GPHN: variants seen among roughly 807,000 people sequenced by gnomAD.
GPHN encodes the protein gephyrin.
Under a neutral mutation model 95.5 loss-of-function variants are expected in GPHN, and 17 were observed. The observed-to-expected ratio is 0.18, with a 90% CI of 0.12 to 0.27. GPHN has a LOEUF of 0.27. Among genes scored for constraint, GPHN ranks in the 10% least tolerant of loss-of-function variants. The pLI is 1.00. For synonymous variants in GPHN, 320 were observed against 322.5 expected, an observed-to-expected ratio of 0.99 and a Z score of 0.08; for missense variants, 660 against 978.1, an observed-to-expected ratio of 0.67 and a Z score of 4.34.
chr14:67,436,146 T>A, the GPHN span, among the ~76,000 whole-genome samples: 1 of 152,226 alleles, frequency 6.6e-6, no homozygotes, highest in Non-Finnish European at 1.5e-5. Context: ...GCCTGGAGTC[T>A]TGGGGCTTCT....
At chr14:67,347,259 G>T in the GPHN span, 2 of 625,290 alleles carry the variant, frequency 3.2e-6, no homozygotes, top group Non-Finnish European at 5.5e-6. Flanking sequence ...TTGATTAACT[G>T]ATCAACTATT....
intron 8 of GPHN, among the ~76,000 whole-genome samples, chr14:66,926,735 A>G (rs2066503104): frequency 6.6e-6 from 1 of 152,152 alleles, no homozygotes; most frequent in African/African-American, 2.4e-5. Flanking sequence ...TGGTTATTCT[A>G]GGTCTTTTGT....
intron 5 of GPHN, among the ~76,000 whole-genome samples, chr14:66,900,040 A>G (rs951340856): frequency 4.6e-5 from 7 of 151,974 alleles, no homozygotes; most frequent in Admixed American, 2.6e-4. Flanking sequence ...TAATTTATGT[A>G]TATAGATTTG....
the GPHN span, chr14:67,678,028 T>C: frequency 1.3e-5 from 3 of 234,084 alleles, no homozygotes; most frequent in East Asian, 2.1e-4. Context: ...TCCTAGGTAG[T>C]AGTTTCTTTC....
chr14:66,569,511 A>T (rs902383458), intron 1 of GPHN, among the ~76,000 whole-genome samples: 23 of 151,938 alleles, frequency 1.5e-4, no homozygotes, highest in Non-Finnish European at 2.9e-5. Context: ...AAAAATATAA[A>T]AATCAGCTGA....
intron 2 of GPHN, among the ~76,000 whole-genome samples, chr14:66,707,995 C>CATTG: frequency 6.6e-6 from 1 of 152,164 alleles, no homozygotes; most frequent in East Asian, 1.9e-4. Flanking sequence ...GCTATAGTCA[C>CATTG]CCTATAAAGT....
At chr14:66,837,315 A>G (rs2061872565) in intron 4 of GPHN, among the ~76,000 whole-genome samples, 1 of 151,398 alleles carries the variant, frequency 6.6e-6, no homozygotes, top group South Asian at 2.1e-4. Flanking sequence ...GAAATTGGGA[A>G]CCATCATTCT....
chr14:66,654,203 A>G (rs2065193876), intron 1 of GPHN, among the ~76,000 whole-genome samples: 1 of 152,106 alleles, frequency 6.6e-6, no homozygotes, highest in Non-Finnish European at 1.5e-5. Context: ...GCTGGAGTGC[A>G]GTGGCACGTG....
chr14:67,089,119 T>A (rs2077033713), intron 12 of GPHN, 44 bp downstream of exon 12: 1 of 635,324 alleles, frequency 1.6e-6, no homozygotes, highest in Non-Finnish European at 2.6e-6. Context: ...CACTGTATTT[T>A]TTTTTCTTTT....
In GPHN at chr14:67,154,754, A is replaced by G. The variant is rs558962368; in HGVS notation, c.1837-4661A>G. On this transcript the variant is annotated intron_variant, in intron 18 of 22. Transcript: ENST00000478722. ...GAAGCATTTAGTGCTATAGGAGCAT[A>G]TAAGAAAGACCTGAAGATTTCTGCT... is the stretch of plus-strand genomic sequence containing the variant. Among the ~76,000 whole-genome samples the G allele has an allele frequency of 7.2e-4, 109 of 152,310 alleles. 5 individuals are homozygous for G. The highest frequency in any genetic ancestry group is 2.0e-4 in the Admixed American group (3 of 15,302).
chr14:67,685,205 C>G, the GPHN span: 1 of 1,609,610 alleles, frequency 6.2e-7, no homozygotes, highest in East Asian at 2.2e-5. Context: ...ACGCCAGAGC[C>G]TGGTTGGGGG....
At chr14:67,107,371 G>C (rs1197201808) in intron 13 of GPHN, among the ~76,000 whole-genome samples, 1 of 152,078 alleles carries the variant, frequency 6.6e-6, no homozygotes. Context: ...TGGTTCTTGG[G>C]GTTCAGGTTC....
chr14:67,689,074 C>A, the GPHN span, among the ~76,000 whole-genome samples: 1 of 152,154 alleles, frequency 6.6e-6, no homozygotes, highest in Non-Finnish European at 1.5e-5. Context: ...ACCACTGGAC[C>A]CATCTTTCCA....
At chr14:67,154,802 T>A (rs2081491414) in intron 18 of GPHN, among the ~76,000 whole-genome samples, 1 of 151,846 alleles carries the variant, frequency 6.6e-6, no homozygotes, top group South Asian at 2.1e-4. Context: ...GAATAGCATA[T>A]TTGGACCAAT....
intron 4 of GPHN, among the ~76,000 whole-genome samples, chr14:66,868,110 G>A (rs1486457094): frequency 6.6e-6 from 1 of 152,132 alleles, no homozygotes; most frequent in Non-Finnish European, 1.5e-5. Context: ...ACTTAACAAA[G>A]TTATTATTAA....
chr14:66,542,543 G>C (rs1173299489), intron 1 of GPHN, among the ~76,000 whole-genome samples: 1 of 152,078 alleles, frequency 6.6e-6, no homozygotes, highest in Non-Finnish European at 1.5e-5. Context: ...CCCTTCGTTT[G>C]TGCATTAGAA....
At chr14:66,610,032 T>C (rs1444650976) in intron 1 of GPHN, among the ~76,000 whole-genome samples, 3 of 152,154 alleles carry the variant, frequency 2.0e-5, no homozygotes, top group Admixed American at 6.6e-5. Context: ...GTTCTTTTGC[T>C]GATTCTTTTT....
intron 1 of GPHN, among the ~76,000 whole-genome samples, chr14:66,643,827 C>G (rs2064578744): frequency 6.6e-6 from 1 of 151,012 alleles, no homozygotes; most frequent in African/African-American, 2.4e-5. Context: ...GGTGTTTTCA[C>G]TCTTTTTATT....
chr14:67,458,171 G>A, the GPHN span, among the ~76,000 whole-genome samples: 15 of 152,190 alleles, frequency 9.9e-5, no homozygotes, highest in Non-Finnish European at 2.1e-4. Context: ...GATCTTTGCT[G>A]TACTGAATGG....
Sources: gnomAD v4.1 joint callset for allele counts (sites outside exome capture counted in the v4.1 genomes callset) on GRCh38, gnomAD v4.1.1 for gene constraint, MANE v1.5 for transcripts, NCBI Gene and HGNC (gene_info 2026-07-23, HGNC 2026-07-21) for gene names.